AMPH: variants seen among roughly 807,000 people sequenced by gnomAD.
AMPH encodes amphiphysin.
In AMPH, 49 loss-of-function variants were observed where a neutral mutation model predicts 99.1. The ratio of observed to expected loss-of-function variants is 0.49; its 90% CI spans 0.39 to 0.63. The LOEUF is 0.63. AMPH is among the 20% of genes least tolerant of loss of function. The pLI is 0.00. For synonymous variants in AMPH, 314 were observed against 317.3 expected (o/e 0.99, Z 0.11); for missense variants, 759 against 863.4 (o/e 0.88, Z 1.52).
intron 1 of AMPH, among the ~76,000 whole-genome samples, chr7:38,592,079 G>A (rs950758827): frequency 2.6e-5 from 4 of 152,180 alleles, no homozygotes; most frequent in African/African-American, 9.6e-5. Flanking sequence ...TATTCCTTAT[G>A]GAAAACAAAG....
chr7:38,478,107 C>T (rs371163450), intron 5 of AMPH, among the ~76,000 whole-genome samples: 4 of 152,148 alleles, frequency 2.6e-5, no homozygotes, highest in Middle Eastern at 3.4e-3. Flanking sequence ...ACAACAAAAA[C>T]AGCCCTAACT....
chr7:38,389,842 C>T lies in AMPH; in HGVS notation c.1942G>A (p.Val648Met). 6.2e-7 allele frequency: 1 copy of T among 1,614,060 alleles called. No homozygotes were observed. The highest frequency in any genetic ancestry group is 2.2e-5 in the East Asian group (1 of 44,872). Residue 648 changes from valine to methionine, a missense_variant, in exon 20 of 21, where the codon GTG becomes ATG. This residue lies in a region of AMPH where 554 missense variants were observed against 575.6 expected (regional missense o/e 0.96). Transcript: ENST00000356264. ...SDELTLQRGD[V>M]VLVVPSDSEA... Reference sequence around the variant, plus strand: ...GAATCTGAGGGGACCACCAGCACCACATCACCCCTTTGTAAGGTAAGTTCA... The same window carrying T: ...GAATCTGAGGGGACCACCAGCACCATATCACCCCTTTGTAAGGTAAGTTCA...
At chr7:38,496,781 C>T (rs530404951) in intron 3 of AMPH, among the ~76,000 whole-genome samples, 10 of 152,176 alleles carry the variant, frequency 6.6e-5, no homozygotes, top group Non-Finnish European at 1.5e-4. Context: ...AATCCAGATG[C>T]CAAAAAACTT....
chr7:38,541,392 G>A (rs1048064235), intron 1 of AMPH, among the ~76,000 whole-genome samples: 1 of 152,142 alleles, frequency 6.6e-6, no homozygotes, highest in Non-Finnish European at 1.5e-5. Flanking sequence ...GTGTGTGTCA[G>A]GACTTAAGGA....
At position 38,469,609 on chromosome 7, in the gene AMPH, C is replaced by T. The variant is rs148887315; in HGVS notation, c.591-3361G>A. 2.4e-4 allele frequency among the ~76,000 whole-genome samples: 37 copies of T among 152,224 alleles called. No homozygotes were observed. The East Asian group carries it at 5.8e-3, about 24-fold the overall frequency. On this transcript the variant is annotated intron_variant, in intron 7 of 20. Transcript: ENST00000356264. ...CTGATCCTCTAAGCTCATTTACACT[C>T]CATTTCAGGATTAATGGCACTCATA...
chr7:38,544,830 C>T (rs1790935310), intron 1 of AMPH, among the ~76,000 whole-genome samples: 1 of 152,134 alleles, frequency 6.6e-6, no homozygotes, highest in Non-Finnish European at 1.5e-5. Context: ...TTCTTTTCTC[C>T]TTGACTTCAT....
At chr7:38,454,771 A>C (rs745501888) in intron 11 of AMPH, among the ~76,000 whole-genome samples, 6 of 152,216 alleles carry the variant, frequency 3.9e-5, no homozygotes, top group Non-Finnish European at 7.3e-5. Flanking sequence ...ATAATATATA[A>C]AGAGATGTTT....
intron 11 of AMPH, among the ~76,000 whole-genome samples, chr7:38,459,999 AC>A (rs1787380347): frequency 6.6e-6 from 1 of 152,126 alleles, no homozygotes; most frequent in Non-Finnish European, 1.5e-5. Flanking sequence ...AATTAAAAAA[AC>A]AAATAATCCC....
chr7:38,549,325 A>G (rs1016698619), intron 1 of AMPH, among the ~76,000 whole-genome samples: 3 of 152,244 alleles, frequency 2.0e-5, no homozygotes, highest in Non-Finnish European at 1.5e-5. Flanking sequence ...TTTCATAGGT[A>G]CATAAGAGAC....
intron 1 of AMPH, among the ~76,000 whole-genome samples, chr7:38,573,186 C>T (rs1792113111): frequency 6.6e-6 from 1 of 152,202 alleles, no homozygotes; most frequent in African/African-American, 2.4e-5. Flanking sequence ...GGACACTGGG[C>T]TGTGGCACTG....
rs1203787059 is a variant in AMPH at position 38,476,873 on chromosome 7, G to A, written c.493C>T (p.Arg165Ter). ...GGCTCAATCCCTACCTTAGAGATTC[G>A]ACTCTCATCCTTCCTCTTGGAGCTC... is the stretch of plus-strand genomic sequence containing the variant. Reference protein sequence around the residue: ...LQSSKRKDESRISKAEEEFQK... With the variant: ...LQSSKRKDES Residue 165 changes from arginine (R) to a stop codon, truncating the protein, a stop_gained, in exon 6 of 21, where the codon CGA (arginine) becomes TGA (stop). Transcript: ENST00000356264. LOFTEE classifies it high-confidence loss of function. 1.2e-6 allele frequency: 2 copies of A among 1,613,216 alleles called. No homozygotes were observed. Among genetic ancestry groups the A allele is most frequent in the Non-Finnish European group, 1.7e-6 (2 of 1,179,422 alleles).
At chr7:38,503,554 C>T in intron 3 of AMPH, 96 bp downstream of exon 3, 1 of 1,294,974 alleles carries the variant, frequency 7.7e-7, no homozygotes, top group Non-Finnish European at 1.1e-6. Context: ...GCCAGGAAGC[C>T]AAATGGCTTT....
intron 1 of AMPH, among the ~76,000 whole-genome samples, chr7:38,606,591 G>A (rs1431738593): frequency 4.6e-5 from 4 of 86,766 alleles, no homozygotes; most frequent in Non-Finnish European, 8.7e-5. Flanking sequence ...TTTTTTTTGT[G>A]AGACAGGGTC....
chr7:38,441,755 A>ATC lies in AMPH; in HGVS notation c.1018-5368_1018-5367insGA, dbSNP rs1216262340. On this transcript the variant is annotated intron_variant, in intron 11 of 20. Transcript: ENST00000356264. ...GATATATATGACAGATATATCATATATATATCATATATATGATATATATCA... is the reference window on the plus strand; with the variant it reads ...GATATATATGACAGATATATCATATATCTATATCATATATATGATATATATCA... Among the ~76,000 whole-genome samples, 111 of 144,068 alleles carry ATC rather than the reference A, an allele frequency of 7.7e-4. 5 individuals are homozygous for ATC. Among genetic ancestry groups the ATC allele is most frequent in the Middle Eastern group, 3.6e-3 (1 of 274 alleles). 94.5% of individuals were successfully genotyped at this position (144,068 alleles called of 152,430 possible).
intron 1 of AMPH, among the ~76,000 whole-genome samples, chr7:38,616,836 G>A (rs1793889370): frequency 6.6e-6 from 1 of 152,160 alleles, no homozygotes; most frequent in South Asian, 2.1e-4. Flanking sequence ...CCTGGTAGTA[G>A]GAAGTGAGCA....
chr7:38,440,105 G>C (rs942450665), intron 11 of AMPH, among the ~76,000 whole-genome samples: 7 of 152,108 alleles, frequency 4.6e-5, no homozygotes, highest in Non-Finnish European at 1.0e-4. Flanking sequence ...AAGAATGAGA[G>C]ACACATGAAG....
In AMPH at chr7:38,384,002, C is replaced by G. The variant is rs1381073638; in HGVS notation, c.*816G>C. On this transcript the variant is annotated 3_prime_UTR_variant, in exon 21 of 21. Coordinates refer to ENST00000356264, the MANE Select transcript of AMPH (RefSeq NM_001635.4). ...ACCTCCAGCCACAGCGGCTGGACAG[C>G]TAGATAAATCAGGCCCTGCCTTCTC... 3 of 152,620 alleles carry G rather than the reference C, an allele frequency of 2.0e-5. No homozygotes were observed. The highest frequency in any genetic ancestry group is 2.9e-5 in the Non-Finnish European group (2 of 68,060). 9.5% of individuals were successfully genotyped at this position (152,620 alleles called of 1,614,324 possible).
chr7:38,450,960 A>C (rs1013491713), intron 11 of AMPH, among the ~76,000 whole-genome samples: 1 of 151,020 alleles, frequency 6.6e-6, no homozygotes, highest in African/African-American at 2.4e-5. Flanking sequence ...CTGTGATCAT[A>C]GCTCACTGTA....
intron 3 of AMPH, among the ~76,000 whole-genome samples, chr7:38,502,980 C>G (rs1789195929): frequency 6.6e-6 from 1 of 152,166 alleles, no homozygotes; most frequent in African/African-American, 2.4e-5. Context: ...TATGATACAT[C>G]ATATCCGTGG....
Sources: gnomAD v4.1 joint callset for allele counts (sites outside exome capture counted in the v4.1 genomes callset) on GRCh38, gnomAD v4.1.1 for gene constraint, gnomAD v4.1.1 regional missense constraint, MANE v1.5 for transcripts, NCBI Gene and HGNC (gene_info 2026-07-23, HGNC 2026-07-21) for gene names.